Variants in NR6A1 observed in about 807,000 individuals in gnomAD.
NR6A1 encodes the protein retinoic acid receptor-related testis-associated receptor.
In NR6A1, 7 loss-of-function variants were observed where a neutral mutation model predicts 59.1. That is an observed-to-expected ratio of 0.12 (90% CI 0.07 to 0.22). NR6A1 has a LOEUF of 0.22. Among genes scored for constraint, NR6A1 ranks in the 10% least tolerant of loss-of-function variants. NR6A1 has a pLI of 1.00. For missense variants in NR6A1, 468 were observed against 611.6 expected (o/e 0.77, Z 2.48); for synonymous variants, 243 against 236.1 (o/e 1.03, Z -0.27).
intron 2 of NR6A1, among the ~76,000 whole-genome samples, chr9:124,569,522 A>C (rs1834377984): frequency 6.6e-6 from 1 of 152,198 alleles, no homozygotes; most frequent in African/African-American, 2.4e-5. Flanking sequence ...CCAAAATTTT[A>C]TTGACAACTA....
intron 1 of NR6A1, among the ~76,000 whole-genome samples, chr9:124,754,987 T>TAG (rs1840597259): frequency 6.6e-6 from 1 of 152,122 alleles, no homozygotes; most frequent in Non-Finnish European, 1.5e-5. Flanking sequence ...ATCACAAGAA[T>TAG]AGACAGGATT....
At chr9:124,595,311 A>G (rs190693437) in intron 2 of NR6A1, among the ~76,000 whole-genome samples, 62 of 152,346 alleles carry the variant, frequency 4.1e-4, no homozygotes, top group Non-Finnish European at 7.8e-4. Context: ...TGCCTTATCA[A>G]TGGCCTCATG....
intron 2 of NR6A1, among the ~76,000 whole-genome samples, chr9:124,612,976 T>A (rs938025142): frequency 1.3e-5 from 2 of 152,200 alleles, no homozygotes; most frequent in Admixed American, 6.5e-5. Flanking sequence ...GAATGTACCT[T>A]ACAGAAGTAC....
chr9:124,686,704 CT>C (rs751899156), intron 2 of NR6A1, among the ~76,000 whole-genome samples: 6,250 of 135,672 alleles, frequency 0.046, 301 homozygotes, highest in African/African-American at 0.15. Context: ...CTTTAAAAGT[CT>C]TTTTTTTTTT....
chr9:124,643,490 C>G (rs1173598342), intron 2 of NR6A1, among the ~76,000 whole-genome samples: 1 of 151,636 alleles, frequency 6.6e-6, no homozygotes, highest in African/African-American at 2.4e-5. Flanking sequence ...GTCCCAGGTA[C>G]TCGGGAGGTT....
intron 2 of NR6A1, among the ~76,000 whole-genome samples, chr9:124,554,902 T>G (rs1266725632): frequency 2.0e-5 from 3 of 152,176 alleles, no homozygotes; most frequent in Non-Finnish European, 4.4e-5. Context: ...AGGAGCACGG[T>G]AAGGATTACT....
intron 2 of NR6A1, among the ~76,000 whole-genome samples, chr9:124,601,212 G>A (rs1835437816): frequency 6.6e-6 from 1 of 151,842 alleles, no homozygotes. Context: ...GGAGACGGAG[G>A]TTGCAGTGAG....
chr9:124,691,009 A>C (rs1838524921), intron 2 of NR6A1, among the ~76,000 whole-genome samples: 1 of 152,222 alleles, frequency 6.6e-6, no homozygotes, highest in Non-Finnish European at 1.5e-5. Context: ...GTAAGCATCT[A>C]AAGGTTTGGT....
At chr9:124,685,337 T>G (rs971542429) in intron 2 of NR6A1, among the ~76,000 whole-genome samples, 1 of 152,118 alleles carries the variant, frequency 6.6e-6, no homozygotes, top group Non-Finnish European at 1.5e-5. Context: ...CTGGGAGGAG[T>G]TGGGGGAGAC....
intron 2 of NR6A1, among the ~76,000 whole-genome samples, chr9:124,690,389 G>C (rs1022334278): frequency 3.3e-5 from 5 of 152,110 alleles, no homozygotes; most frequent in Admixed American, 6.5e-5. Flanking sequence ...GGTTTCTCTG[G>C]AATATTGGAA....
At chr9:124,601,253 C>A (rs953623546) in intron 2 of NR6A1, among the ~76,000 whole-genome samples, 1 of 150,546 alleles carries the variant, frequency 6.6e-6, no homozygotes, top group African/African-American at 2.4e-5. Flanking sequence ...TCTAACCTGG[C>A]CGACAGAGCG....
At chr9:124,701,993 A>T (rs373785413) in intron 2 of NR6A1, among the ~76,000 whole-genome samples, 1 of 152,146 alleles carries the variant, frequency 6.6e-6, no homozygotes, top group Non-Finnish European at 1.5e-5. Flanking sequence ...CCAAAGTGCT[A>T]GGATTACAGG....
Position 124,517,500 on chromosome 9 carries a change from C to T in NR6A1, c.*5205G>A, listed in dbSNP as rs1373786180. 1 of 152,202 alleles carries T rather than the reference C, an allele frequency of 6.6e-6. No homozygotes were observed. The highest frequency in any genetic ancestry group is 1.5e-5 in the Non-Finnish European group (1 of 68,048). 9.4% of individuals were successfully genotyped at this position (152,202 alleles called of 1,614,324 possible). On this transcript the variant is annotated 3_prime_UTR_variant, in exon 10 of 10. Transcript: ENST00000487099. ...GGGTTGATGGAGTCAGGCTGGCGGG[C>T]AGCCCTTGGCCGGCCCTTTGGAGAC...
intron 2 of NR6A1, among the ~76,000 whole-genome samples, chr9:124,560,926 C>A (rs532338656): frequency 1.3e-5 from 2 of 152,056 alleles, no homozygotes; most frequent in Middle Eastern, 3.2e-3. Flanking sequence ...AACAGACATA[C>A]ACTGCAATCA....
intron 2 of NR6A1, among the ~76,000 whole-genome samples, chr9:124,729,703 A>T (rs1225863463): frequency 2.0e-5 from 3 of 152,182 alleles, no homozygotes; most frequent in African/African-American, 7.2e-5. Flanking sequence ...TTAACACAAC[A>T]CACATAGCCC....
At chr9:124,602,116 GA>G (rs1401457737) in intron 2 of NR6A1, among the ~76,000 whole-genome samples, 4 of 152,176 alleles carry the variant, frequency 2.6e-5, no homozygotes, top group African/African-American at 7.2e-5. Context: ...GAGGAACCTG[GA>G]AAAGGTGAGC....
At chr9:124,523,339 T>A (rs1394858822) in intron 9 of NR6A1, among the ~76,000 whole-genome samples, 1 of 152,208 alleles carries the variant, frequency 6.6e-6, no homozygotes, top group Non-Finnish European at 1.5e-5. Context: ...GATTTCTTGA[T>A]TGAAGGACTT....
chr9:124,690,110 T>A (rs1564238949), intron 2 of NR6A1, among the ~76,000 whole-genome samples: 1 of 152,300 alleles, frequency 6.6e-6, no homozygotes, highest in South Asian at 2.1e-4. Flanking sequence ...GCTAGCAGCA[T>A]TACCCCCAAA....
intron 7 of NR6A1, among the ~76,000 whole-genome samples, chr9:124,527,569 A>G (rs991923079): frequency 6.6e-6 from 1 of 152,252 alleles, no homozygotes; most frequent in Non-Finnish European, 1.5e-5. Flanking sequence ...GCTAGGTGAG[A>G]TAATCATCAG....
Sources: allele counts gnomAD v4.1 joint callset (sites outside exome capture counted in the v4.1 genomes callset), GRCh38; gene constraint gnomAD v4.1.1; transcripts MANE v1.5; gene names NCBI Gene and HGNC (gene_info 2026-07-23, HGNC 2026-07-21).